FCAMR: variants seen among roughly 807,000 people sequenced by gnomAD.
FCAMR encodes high affinity immunoglobulin alpha and immunoglobulin mu Fc receptor.
FCAMR carries 51 observed loss-of-function variants against 52.2 expected under a neutral mutation model. The ratio of observed to expected loss-of-function variants is 0.98; its 90% CI spans 0.78 to 1.23. The LOEUF (loss-of-function observed/expected upper bound fraction) is 1.23, where lower values mean the gene tolerates loss of function less well. FCAMR is among the 50% of genes most tolerant of loss of function. FCAMR has a pLI of 0.00. For missense variants in FCAMR, 719 were observed against 712.6 expected, an observed-to-expected ratio of 1.01 and a Z score of -0.10; for synonymous variants, 282 against 262.0, an observed-to-expected ratio of 1.08 and a Z score of -0.74.
chr1:206,965,848 G>T lies in FCAMR; in HGVS notation c.180C>A (p.Phe60Leu). ...GATGGGGTCTTTTTTGTGGAAGGGC[G>T]AAAGAAGAACCTGCAGCAAAGGAAG... Reference protein sequence around the residue: ...LILCLLQGSSFALPQKRPHPR... With the variant: ...LILCLLQGSSLALPQKRPHPR... Residue 60 changes from phenylalanine (F) to leucine (L), a missense_variant, in exon 4 of 8, where the codon TTC (phenylalanine) becomes TTA (leucine). Coordinates refer to ENST00000324852, the MANE Select transcript of FCAMR (RefSeq NM_001170631.2). 1 of 1,607,850 alleles carries T rather than the reference G, an allele frequency of 6.2e-7. No individual in the cohort carries two copies. Among genetic ancestry groups the T allele is most frequent in the Non-Finnish European group, 8.5e-7 (1 of 1,177,218 alleles).
Position 206,959,751 on chromosome 1 carries a change from A to G in FCAMR, c.1501T>C (p.Ser501Pro). The change falls in exon 7 of 8, where the codon TCT (serine) becomes CCT (proline). Residue 501 changes from serine (S) to proline (P), a missense_variant. By Grantham distance (74) the Ser-to-Pro change is moderately conservative. Transcript: ENST00000324852. ...AGCATAAACAGGGCCAGCATGGTAG[A>G]GACAGGAGCCAGGGTCCGAGAGCTG... is the stretch of plus-strand genomic sequence containing the variant. ...ESSSRTLAPVSTMLALFMLMA... is the reference protein window; with the variant it reads ...ESSSRTLAPVPTMLALFMLMA... The G allele has an allele frequency of 6.2e-7, 1 of 1,614,182 alleles. No homozygotes were observed. Among genetic ancestry groups the G allele is most frequent in the Non-Finnish European group, 8.5e-7 (1 of 1,180,028 alleles).
At chr1:206,964,721 T>C (rs564753890) in intron 4 of FCAMR, among the ~76,000 whole-genome samples, 1 of 152,216 alleles carries the variant, frequency 6.6e-6, no homozygotes, top group African/African-American at 2.4e-5. Context: ...AAAATTACAC[T>C]TCTTTTCTTT....
intron 1 of FCAMR, chr1:206,969,439 A>AG (rs1680847606): frequency 5.3e-6 from 2 of 380,224 alleles, no homozygotes; most frequent in South Asian, 3.9e-5. Flanking sequence ...TCCAGGAGAC[A>AG]GGGGGCCATA....
intron 4 of FCAMR, among the ~76,000 whole-genome samples, chr1:206,964,173 G>C (rs959374797): frequency 6.6e-6 from 1 of 152,220 alleles, no homozygotes; most frequent in African/African-American, 2.4e-5. Flanking sequence ...AGCCCTCACA[G>C]TGAGCTCTGC....
chr1:206,967,336 A>T (rs1007892135), intron 2 of FCAMR, among the ~76,000 whole-genome samples: 1 of 152,134 alleles, frequency 6.6e-6, no homozygotes, highest in Non-Finnish European at 1.5e-5. Context: ...ACGAGGCCAA[A>T]ATGTCCCTTA....
Position 206,961,091 on chromosome 1 carries a change from C to A in FCAMR, c.785G>T (p.Trp262Leu), listed in dbSNP as rs1182164942. 5.8e-6 allele frequency: 9 copies of A among 1,551,710 alleles called. No individual in the cohort carries two copies. Among genetic ancestry groups the A allele is most frequent in the Non-Finnish European group, 7.8e-6 (9 of 1,147,050 alleles). The part of the protein sequence containing the change: ...TTQTLGQGTA[W>L]DTVASTPGTS... Reference sequence around the variant, plus strand: ...TCCTGGAGTGGAAGCAACTGTGTCCCATGCTGTCCCCTGTCCTAAGGTCTG... The same window carrying A: ...TCCTGGAGTGGAAGCAACTGTGTCCAATGCTGTCCCCTGTCCTAAGGTCTG... Residue 262 changes from tryptophan to leucine, a missense_variant, in exon 6 of 8, where the codon TGG (tryptophan) becomes TTG (leucine). Trp to Leu is a moderately conservative substitution (Grantham distance 61). Coordinates refer to ENST00000324852, the MANE Select transcript of FCAMR (RefSeq NM_001170631.2).
At chr1:206,965,953 C>T (rs777350286) in intron 3 of FCAMR, 95 bp from the exon 4 acceptor site, 8 of 1,553,522 alleles carry the variant, frequency 5.1e-6, no homozygotes, top group African/African-American at 1.4e-5. Flanking sequence ...TTCCAAACCC[C>T]TGCCAGGCCA....
intron 4 of FCAMR, among the ~76,000 whole-genome samples, chr1:206,964,709 G>A (rs1004904596): frequency 6.6e-6 from 1 of 151,972 alleles, no homozygotes; most frequent in African/African-American, 2.4e-5. Flanking sequence ...AGAACCGTGA[G>A]CAAAATTACA....
At chr1:206,964,963 C>A (rs1199882651) in intron 4 of FCAMR, among the ~76,000 whole-genome samples, 2 of 152,126 alleles carry the variant, frequency 1.3e-5, no homozygotes, top group Admixed American at 6.6e-5. Flanking sequence ...ACCTACCCTG[C>A]CTATTATGTG....
chr1:206,959,990 A>G, intron 6 of FCAMR, 193 bp from the exon 7 acceptor site: 1 of 573,484 alleles, frequency 1.7e-6, no homozygotes, highest in Non-Finnish European at 3.1e-6. Context: ...CCAAGCCTGA[A>G]TCCTTTTCCC....
At chr1:206,962,147 C>A in intron 5 of FCAMR, 66 bp downstream of exon 5, 2 of 1,515,474 alleles carry the variant, frequency 1.3e-6, no homozygotes, top group Non-Finnish European at 9.0e-7. Flanking sequence ...TCTGAGGCTT[C>A]TCTCCCACTT....
rs1396634143 is a variant in FCAMR at position 206,962,555 on chromosome 1, C to T, written c.314-4G>A. ...GAGCCCTTCAATGAATTTGGAGCTG[C>T]AGACAGAGAAGGAAGTCAAAGGAGA... is the stretch of plus-strand genomic sequence containing the variant. On this transcript the variant is annotated splice_polypyrimidine_tract_variant and splice_region_variant and intron_variant, in intron 4 of 7. Coordinates refer to ENST00000324852, the MANE Select transcript of FCAMR (RefSeq NM_001170631.2). 6.5e-7 allele frequency: 1 copy of T among 1,534,926 alleles called. No homozygotes were observed. Among genetic ancestry groups the T allele is most frequent in the South Asian group, 1.3e-5 (1 of 79,184 alleles).
rs2102613541 is a variant in FCAMR, at chr1:206,958,494, G to A, written c.*22C>T. On this transcript the variant is annotated 3_prime_UTR_variant, in exon 8 of 8. Coordinates refer to ENST00000324852, the MANE Select transcript of FCAMR (RefSeq NM_001170631.2). The stretch of plus-strand genomic sequence containing the variant: ...TCTTGGTCCTTCTCCCATGGTAACT[G>A]AGCAGTTCATCTCTCTGTCCCTCAG... 6.2e-7 allele frequency: 1 copy of A among 1,600,668 alleles called. No homozygotes were observed. The highest frequency in any genetic ancestry group is 8.5e-7 in the Non-Finnish European group (1 of 1,173,398).
intron 1 of FCAMR, chr1:206,969,373 C>T (rs1459284256): frequency 1.3e-5 from 6 of 447,452 alleles, no homozygotes; most frequent in Admixed American, 9.6e-5. Flanking sequence ...GAGGATAATA[C>T]TCAACGGAAT....
intron 1 of FCAMR, among the ~76,000 whole-genome samples, chr1:206,968,325 C>CAGA (rs1680795204): frequency 6.7e-6 from 1 of 148,968 alleles, no homozygotes; most frequent in Non-Finnish European, 1.5e-5. Context: ...CAGAGCAAGA[C>CAGA]TCTGTCTCAA....
Position 206,967,046 on chromosome 1 carries a change from A to G in FCAMR, c.169+6T>C. Reference sequence around the variant, plus strand: ...GCCCTGAACCTGGGCTGGGTTTGGGACTCACCTTGTAGCAGGCACAGTATG... The same window carrying G: ...GCCCTGAACCTGGGCTGGGTTTGGGGCTCACCTTGTAGCAGGCACAGTATG... On this transcript the variant is annotated splice_donor_region_variant and intron_variant, in intron 3 of 7. Transcript: ENST00000324852. 6.2e-7 allele frequency: 1 copy of G among 1,613,582 alleles called. No homozygotes were observed. Among genetic ancestry groups the G allele is most frequent in the Non-Finnish European group, 8.5e-7 (1 of 1,179,936 alleles).
chr1:206,965,663 GC>G (rs1680673815), intron 4 of FCAMR, 51 bp downstream of exon 4: 1 of 1,508,756 alleles, frequency 6.6e-7, no homozygotes, highest in Non-Finnish European at 8.8e-7. Flanking sequence ...GTCTGAGAGA[GC>G]CTGGGAAGTC....
chr1:206,968,974 C>T (rs1039741193), intron 1 of FCAMR, among the ~76,000 whole-genome samples: 1 of 152,184 alleles, frequency 6.6e-6, no homozygotes, highest in African/African-American at 2.4e-5. Flanking sequence ...CTTTCTGTGC[C>T]TTCGCTGTAG....
Position 206,960,747 on chromosome 1 carries a change from C to A in FCAMR, c.1129G>T (p.Gly377Trp), listed in dbSNP as rs543590857. ...DAAKKVLGTIGPPALVSETLA... is the reference protein window; with the variant it reads ...DAAKKVLGTIWPPALVSETLA... The stretch of plus-strand genomic sequence containing the variant: ...GTTTCTGAGACCAGAGCTGGTGGCC[C>A]AATGGTTCCTAGGACCTTTTTGGCT... The change falls in exon 6 of 8, where the codon GGG (glycine) becomes TGG (tryptophan). Residue 377 changes from glycine (G) to tryptophan (W), a missense_variant. Gly to Trp is a radical substitution (Grantham distance 184). Coordinates refer to ENST00000324852, the MANE Select transcript of FCAMR (RefSeq NM_001170631.2). 1 of 1,552,344 alleles carries A rather than the reference C, an allele frequency of 6.4e-7. No individual in the cohort carries two copies. Among genetic ancestry groups the A allele is most frequent in the East Asian group, 2.4e-5 (1 of 40,922 alleles).
Sources: allele counts gnomAD v4.1 joint callset (sites outside exome capture counted in the v4.1 genomes callset), GRCh38; gene constraint gnomAD v4.1.1; transcripts MANE v1.5; gene names NCBI Gene and HGNC (gene_info 2026-07-23, HGNC 2026-07-21).